Variants in NAV1 observed in about 807,000 individuals in gnomAD.
The protein encoded by NAV1 is neuron navigator 1.
In NAV1, 18 loss-of-function variants were observed where a neutral mutation model predicts 175.2. The observed-to-expected ratio is 0.10, with a 90% CI of 0.07 to 0.15. The LOEUF (loss-of-function observed/expected upper bound fraction) is 0.15. NAV1 is among the 10% of genes least tolerant of loss of function. NAV1 has a pLI of 1.00. For synonymous variants in NAV1, 897 were observed against 978.7 expected (o/e 0.92, Z 1.56); for missense variants, 1,731 against 2,436.6 (o/e 0.71, Z 6.10).
chr1:201,826,672 C>G (rs1553286988), exon 30 of NAV1: 1 of 152,232 alleles, frequency 6.6e-6, no homozygotes, highest in Non-Finnish European at 1.5e-5. Flanking sequence ...CTCTTTCAAC[C>G]TACCCCCTTT....
chr1:201,756,817 T>C (rs868218072), intron 3 of NAV1, among the ~76,000 whole-genome samples: 4 of 6,634 alleles, frequency 6.0e-4, no homozygotes, highest in African/African-American at 8.9e-4. Context: ...TCCTTCTTTC[T>C]TTCTTTCTTT....
intron 11 of NAV1, 82 bp from the exon 16 acceptor site, chr1:201,790,472 G>T: frequency 6.7e-7 from 1 of 1,499,680 alleles, no homozygotes; most frequent in South Asian, 1.1e-5. Flanking sequence ...TTCCTACCCT[G>T]CCACTGGGAC....
chr1:201,704,143 C>G (rs1335223495), intron 1 of NAV1, among the ~76,000 whole-genome samples: 1 of 152,200 alleles, frequency 6.6e-6, no homozygotes, highest in Non-Finnish European at 1.5e-5. Context: ...CGGGTGGGCT[C>G]CCCGTCATAG....
intron 2 of NAV1, among the ~76,000 whole-genome samples, chr1:201,617,529 C>G (rs961209219): frequency 1.3e-5 from 2 of 152,122 alleles, no homozygotes; most frequent in African/African-American, 4.8e-5. Flanking sequence ...AGTTTGAGAC[C>G]AGCCAGGGAA....
At chr1:201,648,897 C>T in exon 1 of NAV1, 2 of 1,612,714 alleles carry the variant, frequency 1.2e-6, no homozygotes, top group Non-Finnish European at 1.7e-6. Flanking sequence ...CAGCCGTGTC[C>T]CCGGCGGGCC....
rs935133217 is a variant in NAV1, at chr1:201,539,361, G to A, written c.-144+19G>A. ...CGCTCCGGTGAGTGGCCGGCGCGGGGCGGTCGCGCGGTCGCGGCGCTGAGG... is the reference window on the plus strand; with the variant it reads ...CGCTCCGGTGAGTGGCCGGCGCGGGACGGTCGCGCGGTCGCGGCGCTGAGG... On this transcript the variant is annotated intron_variant, in intron 1 of 33. Coordinates refer to the NAV1 transcript ENST00000685211. The surrounding 1 kb of genome is among the most constrained non-coding windows in gnomAD (Gnocchi z 5.6). Among the ~76,000 whole-genome samples the A allele has an allele frequency of 6.6e-6, 1 of 151,920 alleles. No homozygotes were observed. Among genetic ancestry groups the A allele is most frequent in the Non-Finnish European group, 1.5e-5 (1 of 67,950 alleles).
At chr1:201,565,666 T>G (rs1481252760) in intron 1 of NAV1, among the ~76,000 whole-genome samples, 1 of 152,266 alleles carries the variant, frequency 6.6e-6, no homozygotes. Context: ...TATCGCTATT[T>G]GCAAAGCGTT....
At chr1:201,724,348 C>T (rs1672513764) in intron 3 of NAV1, 1 of 152,202 alleles carries the variant, frequency 6.6e-6, no homozygotes, top group Non-Finnish European at 1.5e-5. Context: ...GGATGGGTAC[C>T]CATACAGAGG....
At chr1:201,614,533 G>A (rs1558019690) in intron 2 of NAV1, among the ~76,000 whole-genome samples, 2 of 152,242 alleles carry the variant, frequency 1.3e-5, no homozygotes, top group Non-Finnish European at 1.5e-5. Flanking sequence ...AGATCAGAGG[G>A]AGCTGGTGCT....
At chr1:201,589,109 A>G (rs1322556133) in intron 2 of NAV1, among the ~76,000 whole-genome samples, 1 of 152,216 alleles carries the variant, frequency 6.6e-6, no homozygotes, top group Non-Finnish European at 1.5e-5. Context: ...TGGCCTCCCA[A>G]AGTGCTGGGA....
intron 1 of NAV1, among the ~76,000 whole-genome samples, chr1:201,555,137 T>C (rs1665975851): frequency 6.6e-6 from 1 of 152,222 alleles, no homozygotes; most frequent in Non-Finnish European, 1.5e-5. Flanking sequence ...TCTTCACTAA[T>C]TACTTCTTCA....
In NAV1 at chr1:201,699,988, C is replaced by A. The variant is rs560538599; in HGVS notation, c.758-12829C>A. On this transcript the variant is annotated intron_variant, in intron 1 of 29. Transcript: ENST00000367296. ...TGTTAGACCTAAAACCATAAAAACC[C>A]TAGAAGAAAACCTAGGCAATACCAT... 8.4e-3 allele frequency among the ~76,000 whole-genome samples: 1,283 copies of A among 152,262 alleles called. 39 individuals are homozygous for A. The East Asian group carries it at 0.091, about 11-fold the overall frequency.
At chr1:201,713,774 G>A (rs1362687349) in intron 2 of NAV1, among the ~76,000 whole-genome samples, 1 of 152,176 alleles carries the variant, frequency 6.6e-6, no homozygotes, top group Non-Finnish European at 1.5e-5. Flanking sequence ...ACTGGAAGTA[G>A]ATTCCTCTCC....
Position 201,694,451 on chromosome 1 carries a change from G to C in NAV1, c.758-18366G>C, listed in dbSNP as rs1218142107. Among the ~76,000 whole-genome samples the C allele has an allele frequency of 6.6e-6, 1 of 152,292 alleles. No homozygotes were observed. Among genetic ancestry groups the C allele is most frequent in the East Asian group, 1.9e-4 (1 of 5,178 alleles). On this transcript the variant is annotated intron_variant, in intron 1 of 29. Coordinates refer to ENST00000367296, the Ensembl canonical transcript of NAV1. This position sits in a 1 kb window ranked among gnomAD's most constrained non-coding sequence, Gnocchi z 4.2. ...CATTAAAGATAGATGACCCTGGGGA[G>C]GGTGAGGGCCGGGGTCACCAGCTGC...
chr1:201,682,935 C>T (rs562148866), intron 1 of NAV1, among the ~76,000 whole-genome samples: 1 of 152,300 alleles, frequency 6.6e-6, no homozygotes, highest in South Asian at 2.1e-4. Flanking sequence ...CTGTTGGTAA[C>T]ATCTTACATT....
intron 1 of NAV1, among the ~76,000 whole-genome samples, chr1:201,562,701 G>A (rs779661352): frequency 1.8e-4 from 28 of 152,236 alleles, no homozygotes; most frequent in Admixed American, 1.4e-3. Flanking sequence ...AGGACTGTAT[G>A]AGAGCAGAAT....
intron 3 of NAV1, among the ~76,000 whole-genome samples, chr1:201,753,705 C>T (rs1419621077): frequency 6.6e-6 from 1 of 152,218 alleles, no homozygotes; most frequent in Non-Finnish European, 1.5e-5. Context: ...AACAATTCCA[C>T]AGCACATTCT....
intron 2 of NAV1, among the ~76,000 whole-genome samples, chr1:201,592,412 C>T (rs1163014674): frequency 1.3e-5 from 2 of 152,176 alleles, no homozygotes; most frequent in East Asian, 3.9e-4. Flanking sequence ...AGCACCACCC[C>T]TCATTTTGTT....
intron 2 of NAV1, among the ~76,000 whole-genome samples, chr1:201,642,118 CCTTT>C (rs1268502343): frequency 6.8e-6 from 1 of 147,244 alleles, no homozygotes; most frequent in Non-Finnish European, 1.5e-5. Context: ...TTCTTTCTTC[CCTTT>C]CTTCTCTCTT....
Sources: gnomAD v4.1 joint callset for allele counts (sites outside exome capture counted in the v4.1 genomes callset) on GRCh38, gnomAD v4.1.1 for gene constraint, Gnocchi (gnomAD v3.1) non-coding constraint, MANE v1.5 for transcripts, NCBI Gene and HGNC (gene_info 2026-07-23, HGNC 2026-07-21) for gene names.